The following CNTN5 variants were observed in gnomAD, a reference collection of about 807,000 sequenced individuals.
CNTN5 encodes the protein contactin-5.
CNTN5 carries 77 observed loss-of-function variants against 129.1 expected under a neutral mutation model. That is an observed-to-expected ratio of 0.60 (90% CI 0.50 to 0.72). The LOEUF is 0.72. CNTN5 is among the 30% of genes least tolerant of loss of function. The pLI is 0.00. For missense variants in CNTN5, 1,478 were observed against 1,328.8 expected, an observed-to-expected ratio of 1.11 and a Z score of -1.75; for synonymous variants, 509 against 465.6, an observed-to-expected ratio of 1.09 and a Z score of -1.20.
At chr11:99,338,933 T>TATATATATGG (rs1426937475) in intron 2 of CNTN5, among the ~76,000 whole-genome samples, 1 of 105,048 alleles carries the variant, frequency 9.5e-6, no homozygotes, top group Non-Finnish European at 2.3e-5. Flanking sequence ...TATATATATA[T>TATATATATGG]ATATATATAT....
At chr11:99,471,425 C>T (rs1419136166) in intron 2 of CNTN5, among the ~76,000 whole-genome samples, 2 of 152,066 alleles carry the variant, frequency 1.3e-5, no homozygotes, top group Non-Finnish European at 2.9e-5. Context: ...CTGATACTAC[C>T]TGTCCTTAAG....
chr11:100,108,097 A>C (rs1945516024), intron 13 of CNTN5, among the ~76,000 whole-genome samples: 1 of 151,694 alleles, frequency 6.6e-6, no homozygotes, highest in African/African-American at 2.4e-5. Flanking sequence ...GGAGTGAGAA[A>C]ATTAGAGAAG....
chr11:99,895,811 T>G (rs2135929661), intron 6 of CNTN5, among the ~76,000 whole-genome samples: 1 of 152,210 alleles, frequency 6.6e-6, no homozygotes, highest in African/African-American at 2.4e-5. Flanking sequence ...CCCCACAAGC[T>G]TTTGGTTTTC....
chr11:99,441,693 A>G (rs938415137), intron 2 of CNTN5, among the ~76,000 whole-genome samples: 1 of 152,246 alleles, frequency 6.6e-6, no homozygotes, highest in Admixed American at 6.5e-5. Flanking sequence ...CTCAAAAATT[A>G]AAATTGTAAA....
chr11:100,309,168 GA>G (rs2138924174), intron 21 of CNTN5: 2 of 984,734 alleles, frequency 2.0e-6, no homozygotes, highest in Non-Finnish European at 1.2e-6. Context: ...ATGTCTAAAA[GA>G]AAAAAAGAAT....
intron 2 of CNTN5, among the ~76,000 whole-genome samples, chr11:99,372,299 T>C (rs1350284225): frequency 1.3e-5 from 2 of 152,200 alleles, no homozygotes; most frequent in Admixed American, 1.3e-4. Context: ...GTTACATCAT[T>C]ATTACTGTGA....
chr11:99,371,620 A>G (rs1333087243), intron 2 of CNTN5, among the ~76,000 whole-genome samples: 1 of 152,128 alleles, frequency 6.6e-6, no homozygotes, highest in African/African-American at 2.4e-5. Flanking sequence ...GATATCCAAT[A>G]TTAAGGAGAA....
At chr11:99,861,754 A>G (rs1359887369) in intron 6 of CNTN5, among the ~76,000 whole-genome samples, 2 of 152,174 alleles carry the variant, frequency 1.3e-5, no homozygotes, top group Admixed American at 6.5e-5. Flanking sequence ...AATAAGCACA[A>G]TCCAGCCTAT....
intron 3 of CNTN5, among the ~76,000 whole-genome samples, chr11:99,649,167 C>G (rs753921770): frequency 5.3e-4 from 78 of 147,862 alleles, no homozygotes; most frequent in Non-Finnish European, 9.7e-4. Context: ...TAAATAGAAA[C>G]AATTATTGTG....
At chr11:99,633,202 C>G (rs1324193648) in intron 3 of CNTN5, among the ~76,000 whole-genome samples, 1 of 152,096 alleles carries the variant, frequency 6.6e-6, no homozygotes, top group Non-Finnish European at 1.5e-5. Flanking sequence ...GCATAATAAA[C>G]CTGACAAGAA....
intron 3 of CNTN5, among the ~76,000 whole-genome samples, chr11:99,802,653 G>C (rs1415363816): frequency 6.6e-6 from 1 of 152,190 alleles, no homozygotes; most frequent in African/African-American, 2.4e-5. Context: ...AGGCCTTGCT[G>C]TGCCACAGTC....
intron 3 of CNTN5, among the ~76,000 whole-genome samples, chr11:99,746,429 A>G (rs1944058143): frequency 6.6e-6 from 1 of 152,202 alleles, no homozygotes; most frequent in African/African-American, 2.4e-5. Flanking sequence ...ACTAGTCTAC[A>G]TGAAGGGTCC....
At chr11:99,871,126 A>AT (rs1289146537) in intron 6 of CNTN5, among the ~76,000 whole-genome samples, 9 of 152,092 alleles carry the variant, frequency 5.9e-5, no homozygotes, top group Admixed American at 5.9e-4. Context: ...GTTACATGTT[A>AT]TTACTATTGT....
At chr11:99,221,860 C>T (rs1860412410) in intron 1 of CNTN5, among the ~76,000 whole-genome samples, 1 of 151,980 alleles carries the variant, frequency 6.6e-6, no homozygotes, top group Admixed American at 6.6e-5. Context: ...CACATATATA[C>T]AGCACAAGAT....
At chr11:100,304,940 G>A (rs768426616) in intron 20 of CNTN5, among the ~76,000 whole-genome samples, 14 of 151,248 alleles carry the variant, frequency 9.3e-5, no homozygotes, top group Non-Finnish European at 1.6e-4. Flanking sequence ...TTAGTATTTC[G>A]AGTTATCCCC....
chr11:99,967,948 T>A (rs528892929), intron 8 of CNTN5, among the ~76,000 whole-genome samples: 88 of 152,196 alleles, frequency 5.8e-4, no homozygotes, highest in Non-Finnish European at 8.7e-4. Flanking sequence ...ATGGTACAAG[T>A]ATTAAAGTAA....
intron 18 of CNTN5, among the ~76,000 whole-genome samples, chr11:100,277,386 G>C (rs921931263): frequency 6.6e-6 from 1 of 152,066 alleles, no homozygotes; most frequent in East Asian, 1.9e-4. Context: ...TTAGTTTTCT[G>C]AGAAACCTCC....
chr11:99,595,834 T>C (rs751083089), intron 3 of CNTN5, among the ~76,000 whole-genome samples: 34 of 152,028 alleles, frequency 2.2e-4, no homozygotes, highest in Non-Finnish European at 4.3e-4. Flanking sequence ...AATCAATAAA[T>C]ATTGAACTTT....
intron 2 of CNTN5, among the ~76,000 whole-genome samples, chr11:99,512,613 T>C (rs1946882006): frequency 6.6e-6 from 1 of 152,174 alleles, no homozygotes; most frequent in African/African-American, 2.4e-5. Flanking sequence ...ACTTCCTGTC[T>C]TTGTGTCATG....
Sources: allele counts gnomAD v4.1 joint callset (sites outside exome capture counted in the v4.1 genomes callset), GRCh38; gene constraint gnomAD v4.1.1; transcripts MANE v1.5; gene names NCBI Gene and HGNC (gene_info 2026-07-23, HGNC 2026-07-21).